The following UBE3A variants were observed in gnomAD, a reference collection of about 807,000 sequenced individuals.
UBE3A encodes the protein ubiquitin-protein ligase E3A.
A neutral mutation model predicts 83.4 loss-of-function variants in UBE3A; 6 were observed. The ratio of observed to expected loss-of-function variants is 0.07; its 90% CI spans 0.04 to 0.14. UBE3A has a LOEUF of 0.14. Ranked by LOEUF, UBE3A falls within the 10% of genes least tolerant of loss-of-function variation. UBE3A has a pLI of 1.00. For missense variants in UBE3A, 456 were observed against 1,036.1 expected, an observed-to-expected ratio of 0.44 and a Z score of 7.69; for synonymous variants, 337 against 355.4, an observed-to-expected ratio of 0.95 and a Z score of 0.58.
intron 8 of UBE3A, among the ~76,000 whole-genome samples, chr15:25,356,310 G>T (rs923232164): frequency 2.7e-5 from 4 of 149,720 alleles, no homozygotes; most frequent in African/African-American, 9.8e-5. Context: ...TGCTCTATGA[G>T]AAATTCTGTG....
intron 2 of UBE3A, among the ~76,000 whole-genome samples, chr15:25,410,856 C>T (rs1469838367): frequency 3.3e-5 from 5 of 152,142 alleles, no homozygotes; most frequent in Non-Finnish European, 7.4e-5. Flanking sequence ...GAAACACCAC[C>T]TTCCCTAAAA....
At chr15:25,437,956 G>A (rs966975750) in intron 1 of UBE3A, 1 of 152,446 alleles carries the variant, frequency 6.6e-6, no homozygotes, top group East Asian at 1.9e-4. Context: ...CTGGTGGCCG[G>A]TAACACAGAG....
Position 25,373,183 on chromosome 15 carries a change from T to C in UBE3A, c.362-1371A>G, listed in dbSNP as rs181725665. Among the ~76,000 whole-genome samples, 124 of 152,306 alleles carry C rather than the reference T, an allele frequency of 8.1e-4. No individual in the cohort carries two copies. In the East Asian group the frequency reaches 0.017, roughly 21 times the overall value. On this transcript the variant is annotated intron_variant, in intron 5 of 12. Coordinates refer to ENST00000648336, the MANE Select transcript of UBE3A (RefSeq NM_130839.5). ...GGAAACCTATTTCTCATTATTTTCA[T>C]TGAAAATTTTTAAAATACCTTCTTA...
intron 4 of UBE3A, among the ~76,000 whole-genome samples, chr15:25,384,570 T>C (rs998443570): frequency 2.6e-5 from 4 of 151,974 alleles, no homozygotes; most frequent in African/African-American, 7.2e-5. Flanking sequence ...GATTTAGTAC[T>C]GTTAAGATGG....
In UBE3A at chr15:25,406,046, AAC is replaced by A. The variant is rs2088456758; in HGVS notation, c.21-546_21-545del. On this transcript the variant is annotated intron_variant, in intron 3 of 12. Transcript: ENST00000648336. ...TCTATGGCTGCTTTCACACTAAAAG[AAC>A]AGAGCTGAGGACTTGTGGCAGAAAC... Among the ~76,000 whole-genome samples the A allele has an allele frequency of 2.6e-5, 4 of 152,222 alleles. No homozygotes were observed. The South Asian group carries it at 6.2e-4, about 24-fold the overall frequency.
chr15:25,363,314 T>C (rs2078440552), intron 6 of UBE3A, among the ~76,000 whole-genome samples: 1 of 152,116 alleles, frequency 6.6e-6, no homozygotes, highest in Admixed American at 6.5e-5. Flanking sequence ...ATTCCCTGCA[T>C]AAAGTTAGTG....
intron 2 of UBE3A, among the ~76,000 whole-genome samples, chr15:25,410,640 G>C (rs2089799343): frequency 6.6e-6 from 1 of 152,204 alleles, no homozygotes; most frequent in Non-Finnish European, 1.5e-5. Flanking sequence ...AAACATGAAT[G>C]TTTGAGCCCA....
At chr15:25,380,673 G>C (rs1447306560) in intron 4 of UBE3A, among the ~76,000 whole-genome samples, 1 of 152,132 alleles carries the variant, frequency 6.6e-6, no homozygotes, top group Admixed American at 6.5e-5. Context: ...TACCTTATCA[G>C]CTGTTCATAA....
chr15:25,378,458 G>A (rs2081594613), intron 4 of UBE3A, among the ~76,000 whole-genome samples: 1 of 152,120 alleles, frequency 6.6e-6, no homozygotes, highest in Admixed American at 6.6e-5. Context: ...CAAGAAACTA[G>A]TATTTGCTGG....
At chr15:25,401,116 T>C (rs546529022) in intron 4 of UBE3A, among the ~76,000 whole-genome samples, 1 of 152,358 alleles carries the variant, frequency 6.6e-6, no homozygotes, top group Non-Finnish European at 1.5e-5. Context: ...TCACATTTTA[T>C]GGATTCAGGT....
rs752711811 is a variant in UBE3A, at chr15:25,371,585, C to A, written c.589G>T (p.Ala197Ser). The A allele has an allele frequency of 5.6e-6, 9 of 1,614,038 alleles. No individual in the cohort carries two copies. The highest frequency in any genetic ancestry group is 7.6e-6 in the Non-Finnish European group (9 of 1,180,024). The change falls in exon 6 of 13, where the codon GCT becomes TCT. Residue 197 changes from alanine (A) to serine (S), a missense_variant. Ala to Ser is a moderately conservative substitution (Grantham distance 99). Coordinates refer to ENST00000648336, the MANE Select transcript of UBE3A (RefSeq NM_130839.5). The surrounding 1 kb of genome is among the most constrained non-coding windows in gnomAD (Gnocchi z 5.3). ...TCTGAGTCTTCTTCCATAGCAGCAGCAGAACATGCAGCTTTTTCCTTTTCA... is the reference window on the plus strand; with the variant it reads ...TCTGAGTCTTCTTCCATAGCAGCAGAAGAACATGCAGCTTTTTCCTTTTCA... The part of the protein sequence containing the change: ...EDEKEKAACS[A>S]AAMEEDSEAS...
rs772621378 is a variant in UBE3A at position 25,371,720 on chromosome 15, T to G, written c.454A>C (p.Arg152=). 8.7e-6 allele frequency: 14 copies of G among 1,613,966 alleles called. No homozygotes were observed. In the South Asian group the frequency reaches 1.5e-4, roughly 18 times the overall value. Residue 152 remains arginine, a synonymous_variant, in exon 6 of 13, where the codon AGA becomes CGA. Coordinates refer to ENST00000648336, the MANE Select transcript of UBE3A (RefSeq NM_130839.5). This position sits in a 1 kb window ranked among gnomAD's most constrained non-coding sequence, Gnocchi z 5.3. ...DYSPLIRVIG[R]VFSSAEALVQ... ...AATGCCTCAGCACTAGAAAAAACTCTTCCAATAACACGGATTAAAGGGGAA... is the reference window on the plus strand; with the variant it reads ...AATGCCTCAGCACTAGAAAAAACTCGTCCAATAACACGGATTAAAGGGGAA...
intron 4 of UBE3A, among the ~76,000 whole-genome samples, chr15:25,387,217 A>G (rs1214371086): frequency 6.6e-6 from 1 of 152,214 alleles, no homozygotes; most frequent in Non-Finnish European, 1.5e-5. Context: ...ACACTGATGC[A>G]TTTATTAGAA....
At chr15:25,398,790 TATATATATATATATATATATATATAA>T (rs1283743752) in intron 4 of UBE3A, among the ~76,000 whole-genome samples, 840 of 65,998 alleles carry the variant, frequency 0.013, 52 homozygotes, top group African/African-American at 0.041. Flanking sequence ...TATATATATA[TATATATATATATATATATATATATAA>T]AAATACATAT....
At chr15:25,413,078 G>A (rs1450544491) in intron 1 of UBE3A, 139 of 430,892 alleles carry the variant, frequency 3.2e-4, no homozygotes, top group Non-Finnish European at 3.5e-4. Flanking sequence ...CATAATCATG[G>A]AGGAAATATA....
chr15:25,373,486 G>A (rs2080654723), intron 5 of UBE3A: 1 of 152,058 alleles, frequency 6.6e-6, no homozygotes, highest in Admixed American at 6.6e-5. Context: ...GTTTTTTGTT[G>A]TTGTTTTTTG....
intron 4 of UBE3A, among the ~76,000 whole-genome samples, chr15:25,392,325 T>C (rs1005978627): frequency 5.7e-4 from 87 of 152,200 alleles, no homozygotes; most frequent in African/African-American, 1.9e-3. Context: ...TAGGACACTA[T>C]TTCTTGGTTT....
intron 1 of UBE3A, among the ~76,000 whole-genome samples, chr15:25,433,432 C>T (rs569438572): frequency 6.6e-5 from 10 of 152,194 alleles, no homozygotes; most frequent in South Asian, 2.1e-4. Context: ...GTGATCCGCC[C>T]GCCTCGGCTT....
At chr15:25,405,308 TAGGA>T (rs2088240897) in intron 4 of UBE3A, among the ~76,000 whole-genome samples, 149 bp downstream of exon 4, 1 of 152,132 alleles carries the variant, frequency 6.6e-6, no homozygotes, top group Non-Finnish European at 1.5e-5. Context: ...AGTTATCTGA[TAGGA>T]AAAAAAGTAG....
Sources: gnomAD v4.1 joint callset for allele counts (sites outside exome capture counted in the v4.1 genomes callset) on GRCh38, gnomAD v4.1.1 for gene constraint, Gnocchi (gnomAD v3.1) non-coding constraint, MANE v1.5 for transcripts, NCBI Gene and HGNC (gene_info 2026-07-23, HGNC 2026-07-21) for gene names.